Variants in STMN1 observed in about 807,000 individuals in gnomAD.
STMN1 encodes the protein stathmin 1.
STMN1 carries 3 observed loss-of-function variants against 19.7 expected under a neutral mutation model. That is an observed-to-expected ratio of 0.15 (90% CI 0.07 to 0.39). The LOEUF (loss-of-function observed/expected upper bound fraction) is 0.39. STMN1 is among the 10% of genes least tolerant of loss of function. The probability of loss-of-function intolerance (pLI) is 1.00; values close to 1 mark genes in which losing one functional copy is unlikely to be tolerated. For missense variants in STMN1, 99 were observed against 176.0 expected, an observed-to-expected ratio of 0.56 and a Z score of 2.48; for synonymous variants, 59 against 58.9, an observed-to-expected ratio of 1.00 and a Z score of -0.01.
chr1:25,886,569 A>AC (rs1170991379), intron 4 of STMN1, among the ~76,000 whole-genome samples: 2 of 95,292 alleles, frequency 2.1e-5, no homozygotes, highest in African/African-American at 8.3e-5. Flanking sequence ...TGTCTGGAAC[A>AC]CCCCCACCAC....
downstream of STMN1, among the ~76,000 whole-genome samples, chr1:25,899,170 G>A (rs2048847058): frequency 6.6e-6 from 1 of 152,182 alleles, no homozygotes; most frequent in Admixed American, 6.5e-5. Flanking sequence ...ATCCTTTCAG[G>A]CCTGTTGATC....
At chr1:25,890,474 C>T (rs2048762600) in intron 4 of STMN1, among the ~76,000 whole-genome samples, 1 of 152,216 alleles carries the variant, frequency 6.6e-6, no homozygotes, top group South Asian at 2.1e-4. Flanking sequence ...TTATCTTAAA[C>T]AGGCTTGTTT....
chr1:25,903,162 A>G (rs906896216), intron 3 of STMN1: 2 of 152,604 alleles, frequency 1.3e-5, no homozygotes, highest in African/African-American at 2.4e-5. Context: ...AATTGTTTAG[A>G]TAAGAGAAAA....
At chr1:25,901,300 C>G (rs1403154310) in intron 4 of STMN1, 191 bp downstream of exon 4, 1 of 1,130,046 alleles carries the variant, frequency 8.8e-7, no homozygotes, top group Admixed American at 2.9e-5. Flanking sequence ...TACTGGACTT[C>G]CAAGGACTGT....
chr1:25,894,496 A>G (rs1172242089), intron 4 of STMN1, among the ~76,000 whole-genome samples: 1 of 152,168 alleles, frequency 6.6e-6, no homozygotes, highest in Non-Finnish European at 1.5e-5. Flanking sequence ...CCTGGGCAAC[A>G]TGGTGAAATC....
exon 5 of STMN1, chr1:25,885,574 C>A: frequency 9.6e-7 from 1 of 1,040,930 alleles, no homozygotes; most frequent in Non-Finnish European, 1.3e-6. Flanking sequence ...GAGGCTCAGA[C>A]ACAGCAAGCA....
At chr1:25,898,456 T>G (rs2048839682), downstream of STMN1, among the ~76,000 whole-genome samples, 1 of 152,084 alleles carries the variant, frequency 6.6e-6, no homozygotes, top group African/African-American at 2.4e-5. Context: ...ATTCTACAGC[T>G]CTCCTTCCCC....
chr1:25,901,822 C>A, intron 3 of STMN1, 140 bp from the exon 4 acceptor site: 1 of 713,726 alleles, frequency 1.4e-6, no homozygotes, highest in Non-Finnish European at 2.1e-6. Context: ...CCAGCCTGGC[C>A]AACATGGTGA....
intron 4 of STMN1, chr1:25,887,517 A>G (rs1016317217): frequency 3.5e-5 from 11 of 313,726 alleles, no homozygotes; most frequent in African/African-American, 2.0e-4. Context: ...ATAGGTGGGG[A>G]GCTGTCTGGA....
rs1337188628 is a variant in STMN1, at chr1:25,903,828, AT to A, written c.14-16del. 1.3e-6 allele frequency: 2 copies of A among 1,580,084 alleles called. No homozygotes were observed. Among genetic ancestry groups the A allele is most frequent in the Admixed American group, 4.0e-5 (2 of 50,214 alleles). On this transcript the variant is annotated splice_polypyrimidine_tract_variant and intron_variant, in intron 2 of 4. Coordinates refer to ENST00000455785, the MANE Select transcript of STMN1 (RefSeq NM_005563.4). ...CACCTGGATATCTAGAATTGATTAT[AT>A]TTATAATTCAGAAAACCAGGATTCT...
chr1:25,893,541 TTTTTA>T (rs1167956646), intron 4 of STMN1, among the ~76,000 whole-genome samples: 6 of 151,932 alleles, frequency 3.9e-5, no homozygotes, highest in African/African-American at 1.5e-4. Context: ...TGTACAGTGG[TTTTTA>T]TTTATTTTTT....
downstream of STMN1, among the ~76,000 whole-genome samples, chr1:25,897,940 T>C (rs2048833535): frequency 6.6e-6 from 1 of 152,218 alleles, no homozygotes; most frequent in Non-Finnish European, 1.5e-5. Flanking sequence ...CTCAGTGCAG[T>C]GTCAGTCACA....
intron 4 of STMN1, among the ~76,000 whole-genome samples, chr1:25,891,641 T>C (rs187332583): frequency 1.8e-4 from 28 of 152,240 alleles, no homozygotes; most frequent in African/African-American, 6.7e-4. Context: ...TTCTGCATCT[T>C]GGAAAGAAAG....
intron 4 of STMN1, chr1:25,892,427 G>T: frequency 2.5e-6 from 1 of 401,702 alleles, no homozygotes; most frequent in Non-Finnish European, 3.3e-6. Context: ...CCCTGCCTCT[G>T]CCTAGGAATT....
At chr1:25,899,721 C>G (rs949337896), downstream of STMN1, among the ~76,000 whole-genome samples, 1 of 152,076 alleles carries the variant, frequency 6.6e-6, no homozygotes, top group Non-Finnish European at 1.5e-5. Flanking sequence ...TTAATCCTAA[C>G]AATCTTAGGA....
At chr1:25,892,658 G>A (rs2048786589) in intron 4 of STMN1, 1 of 969,278 alleles carries the variant, frequency 1.0e-6, no homozygotes, top group Middle Eastern at 5.3e-4. Flanking sequence ...AAAGCCTGCT[G>A]GGCCTCTAAA....
intron 4 of STMN1, among the ~76,000 whole-genome samples, chr1:25,889,590 T>G (rs960747): frequency 0.029 from 4,488 of 152,198 alleles, 222 homozygotes; most frequent in African/African-American, 0.1. Flanking sequence ...ATCCTGAATC[T>G]AACCATGACC....
At chr1:25,906,790 T>C (rs932841047), upstream of STMN1, 4 of 152,594 alleles carry the variant, frequency 2.6e-5, no homozygotes, top group African/African-American at 2.4e-5. The surrounding 1 kb of genome is among the most constrained non-coding windows in gnomAD (Gnocchi z 4.5). Context: ...TTCCCTACCT[T>C]TCCAAACTTT....
intron 3 of STMN1, chr1:25,902,977 T>C (rs1351592461): frequency 2.0e-5 from 3 of 152,224 alleles, no homozygotes; most frequent in Non-Finnish European, 2.9e-5. Flanking sequence ...ATGAGTAACA[T>C]TGAATGGAAA....
Sources: gnomAD v4.1 joint callset for allele counts (sites outside exome capture counted in the v4.1 genomes callset) on GRCh38, gnomAD v4.1.1 for gene constraint, Gnocchi (gnomAD v3.1) non-coding constraint, MANE v1.5 for transcripts, NCBI Gene and HGNC (gene_info 2026-07-23, HGNC 2026-07-21) for gene names.